Variants in PRUNE2 observed in about 807,000 individuals in gnomAD.
The protein encoded by PRUNE2 is protein prune homolog 2.
In PRUNE2, 164 loss-of-function variants were observed where a neutral mutation model predicts 252.0. The observed-to-expected ratio is 0.65, with a 90% CI of 0.57 to 0.74. The LOEUF (loss-of-function observed/expected upper bound fraction) is 0.74. Ranked by LOEUF, PRUNE2 falls within the 30% of genes least tolerant of loss-of-function variation. The pLI, the probability that PRUNE2 is intolerant of heterozygous loss-of-function variation, is 0.00. For synonymous variants in PRUNE2, 1,292 were observed against 1,350.2 expected (o/e 0.96, Z 0.94); for missense variants, 3,495 against 3,711.0 (o/e 0.94, Z 1.51).
chr9:76,667,013 T>C (rs560645391), intron 9 of PRUNE2, among the ~76,000 whole-genome samples: 1 of 152,144 alleles, frequency 6.6e-6, no homozygotes. Flanking sequence ...ATCATTACAC[T>C]CCAGCCTGGG....
At chr9:76,703,221 AT>A in intron 9 of PRUNE2, 115 bp downstream of exon 9, 1 of 852,762 alleles carries the variant, frequency 1.2e-6, no homozygotes. Context: ...TGCATTCAAT[AT>A]AAGCAAAGCT....
chr9:76,641,203 TAAATGA>T (rs1842437839), intron 12 of PRUNE2, among the ~76,000 whole-genome samples: 1 of 152,114 alleles, frequency 6.6e-6, no homozygotes, highest in African/African-American at 2.4e-5. Context: ...TGGAAATTTA[TAAATGA>T]AAATGAAAAT....
intron 5 of PRUNE2, among the ~76,000 whole-genome samples, chr9:76,825,606 C>T (rs11792237): frequency 6.6e-6 from 1 of 152,160 alleles, no homozygotes; most frequent in Admixed American, 6.5e-5. Context: ...TGGGTTTAGG[C>T]CTTGCCTGGC....
At position 76,708,648 on chromosome 9, in the gene PRUNE2, T is replaced by C. The variant is rs1357868537; in HGVS notation, c.3626A>G (p.Glu1209Gly). 1 of 1,614,008 alleles carries C rather than the reference T, an allele frequency of 6.2e-7. No individual in the cohort carries two copies. Among genetic ancestry groups the C allele is most frequent in the South Asian group, 1.1e-5 (1 of 91,086 alleles). ...SAPSEHHTLN[E>G]KSGQLIANSI... ...GTTTGCAATTAGCTGCCCACTTTTC[T>C]CATTCAATGTGTGATGTTCACTGGG... is the stretch of plus-strand genomic sequence containing the variant. Residue 1209 changes from glutamate to glycine, a missense_variant, in exon 8 of 19, where the codon GAG becomes GGG. By Grantham distance (98) the Glu-to-Gly change is moderately conservative. Transcript: ENST00000376718.
chr9:76,905,513 C>T (rs887130103), intron 1 of PRUNE2, among the ~76,000 whole-genome samples: 2 of 152,236 alleles, frequency 1.3e-5, no homozygotes, highest in Non-Finnish European at 2.9e-5. Flanking sequence ...CTTTTGTCAC[C>T]TCCAGCTGAA....
At chr9:76,904,558 A>G (rs1046195028) in intron 1 of PRUNE2, among the ~76,000 whole-genome samples, 3 of 152,248 alleles carry the variant, frequency 2.0e-5, no homozygotes, top group Admixed American at 6.5e-5. Flanking sequence ...TACTAGGTAA[A>G]GAACAGAACA....
chr9:76,837,456 T>TAATAATA (rs1554798787), intron 4 of PRUNE2, among the ~76,000 whole-genome samples: 1 of 92,972 alleles, frequency 1.1e-5, no homozygotes, highest in Admixed American at 1.2e-4. Flanking sequence ...ATAATAATAA[T>TAATAATA]AATAATAATA....
chr9:76,677,409 G>T (rs185051585), intron 9 of PRUNE2, among the ~76,000 whole-genome samples: 2 of 152,286 alleles, frequency 1.3e-5, no homozygotes, highest in Admixed American at 6.5e-5. Flanking sequence ...GTTTTTGATA[G>T]GATCCCTTTA....
At chr9:76,852,798 GTCTGTCTGTCTATCTA>G (rs2060031422) in intron 2 of PRUNE2, among the ~76,000 whole-genome samples, 1 of 90,092 alleles carries the variant, frequency 1.1e-5, no homozygotes, top group East Asian at 2.5e-4. Flanking sequence ...CTAGCCATCT[GTCTGTCTGTCTATCTA>G]TCTATCTATC....
rs758221628 is a variant in PRUNE2, at chr9:76,706,647, A to G, written c.5627T>C (p.Ile1876Thr). 29 of 1,613,784 alleles carry G rather than the reference A, an allele frequency of 1.8e-5. No homozygotes were observed. The highest frequency in any genetic ancestry group is 2.0e-5 in the Non-Finnish European group (24 of 1,179,870). The change falls in exon 8 of 19, where the codon ATT (isoleucine) becomes ACT (threonine). Residue 1876 changes from isoleucine to threonine, a missense_variant. Physicochemically the swap from Ile to Thr is moderately conservative, Grantham distance 89. Transcript: ENST00000376718. ...SPWGVPVQGD[I>T]EPVETHYTNP... ...AGTATAGTGTGTTTCCACGGGCTCAATATCACCCTGAACTGGTACTCCCCA... is the reference window on the plus strand; with the variant it reads ...AGTATAGTGTGTTTCCACGGGCTCAGTATCACCCTGAACTGGTACTCCCCA...
chr9:76,893,451 T>A (rs754229507), intron 1 of PRUNE2, among the ~76,000 whole-genome samples: 2 of 152,170 alleles, frequency 1.3e-5, no homozygotes, highest in Non-Finnish European at 2.9e-5. Flanking sequence ...AAGTGATGGG[T>A]CAGAGTGTAC....
rs184948586 is a variant in PRUNE2 at position 76,693,226 on chromosome 9, A to G, written c.8276+10111T>C. On this transcript the variant is annotated intron_variant, in intron 9 of 18. Coordinates refer to ENST00000376718, the MANE Select transcript of PRUNE2 (RefSeq NM_015225.3). ...ATCAGATAAACCAAAGACTTCTAGC[A>G]AAATGTCAATTTGGGAAATAACTAA... Among the ~76,000 whole-genome samples the G allele has an allele frequency of 3.3e-5, 5 of 152,292 alleles. No individual in the cohort carries two copies. The East Asian group carries it at 7.7e-4, about 24-fold the overall frequency.
At position 76,840,937 on chromosome 9, in the gene PRUNE2, C is replaced by T. The variant is rs757848313; in HGVS notation, c.508+5578G>A. Among the ~76,000 whole-genome samples the T allele has an allele frequency of 4.6e-5, 7 of 151,832 alleles. No individual in the cohort carries two copies. The East Asian group carries it at 5.8e-4, about 13-fold the overall frequency. On this transcript the variant is annotated intron_variant, in intron 4 of 18. Transcript: ENST00000376718. The stretch of plus-strand genomic sequence containing the variant: ...CGGAGGTTGCAGTGAGCCAAGATTG[C>T]GCCACTGCACTCCAACCTGGGCAAC...
intron 9 of PRUNE2, among the ~76,000 whole-genome samples, chr9:76,684,289 A>G (rs1388953875): frequency 6.6e-6 from 1 of 152,034 alleles, no homozygotes. Context: ...CTCTACATCT[A>G]CGAGTCTGAG....
chr9:76,651,411 C>T (rs1847338938), intron 11 of PRUNE2, among the ~76,000 whole-genome samples: 1 of 152,182 alleles, frequency 6.6e-6, no homozygotes, highest in African/African-American at 2.4e-5. Context: ...AGGAGTGGAA[C>T]TGCTAGAATT....
chr9:76,749,541 C>T (rs1170513889), intron 6 of PRUNE2, among the ~76,000 whole-genome samples: 1 of 152,198 alleles, frequency 6.6e-6, no homozygotes, highest in Non-Finnish European at 1.5e-5. Flanking sequence ...AAATTTACTC[C>T]TTCCTTTAAA....
chr9:76,641,406 G>C lies in PRUNE2; in HGVS notation c.8729-3118C>G, dbSNP rs764801209. Among the ~76,000 whole-genome samples, 5 of 152,174 alleles carry C rather than the reference G, an allele frequency of 3.3e-5. No homozygotes were observed. The South Asian group carries it at 1.0e-3, about 32-fold the overall frequency. On this transcript the variant is annotated intron_variant, in intron 12 of 18. Coordinates refer to ENST00000376718, the MANE Select transcript of PRUNE2 (RefSeq NM_015225.3). ...GTTGGCAGGCTTGGGAGATATTTCA[G>C]GTAATACTGTAATTTTTCTATAGCT...
At chr9:76,847,881 C>A (rs1003516912) in intron 3 of PRUNE2, among the ~76,000 whole-genome samples, 1 of 152,176 alleles carries the variant, frequency 6.6e-6, no homozygotes, top group Non-Finnish European at 1.5e-5. Context: ...CAAAACTATT[C>A]CTCAGATTTT....
chr9:76,720,755 C>T (rs906711103), intron 6 of PRUNE2, among the ~76,000 whole-genome samples: 6 of 152,152 alleles, frequency 3.9e-5, no homozygotes, highest in African/African-American at 9.7e-5. Flanking sequence ...ATAATAATCA[C>T]ACACATCTTT....
Sources: allele counts gnomAD v4.1 joint callset (sites outside exome capture counted in the v4.1 genomes callset), GRCh38; gene constraint gnomAD v4.1.1; transcripts MANE v1.5; gene names NCBI Gene and HGNC (gene_info 2026-07-23, HGNC 2026-07-21).